The following NEGR1 variants were observed in gnomAD, a reference collection of about 807,000 sequenced individuals.
NEGR1 encodes IgLON family member 4.
A neutral mutation model predicts 40.9 loss-of-function variants in NEGR1; 10 were observed. That is an observed-to-expected ratio of 0.24 (90% confidence interval 0.15 to 0.42). The LOEUF (loss-of-function observed/expected upper bound fraction) is 0.42. Ranked by LOEUF, NEGR1 falls within the 10% of genes least tolerant of loss-of-function variation. The pLI is 1.00. For missense variants in NEGR1, 352 were observed against 438.9 expected (o/e 0.80, Z 1.77); for synonymous variants, 185 against 166.8 (o/e 1.11, Z -0.84).
intron 3 of NEGR1, among the ~76,000 whole-genome samples, chr1:71,759,648 C>G (rs967714870): frequency 1.7e-5 from 2 of 121,212 alleles, no homozygotes; most frequent in African/African-American, 6.4e-5. Context: ...CCCACTCTGT[C>G]GCCCAGGCTG....
intron 2 of NEGR1, among the ~76,000 whole-genome samples, chr1:71,830,924 G>A (rs530831153): frequency 1.3e-5 from 2 of 151,762 alleles, no homozygotes; most frequent in South Asian, 4.2e-4. Context: ...CTGCTTTTAA[G>A]ATCACACCAT....
intron 6 of NEGR1, among the ~76,000 whole-genome samples, chr1:71,466,643 G>A (rs1557536113): frequency 6.6e-6 from 1 of 152,060 alleles, no homozygotes; most frequent in Non-Finnish European, 1.5e-5. Context: ...GTGGTATTTG[G>A]ATAAAGAATG....
At chr1:71,704,960 A>G (rs138886086) in intron 3 of NEGR1, among the ~76,000 whole-genome samples, 1,986 of 149,696 alleles carry the variant, frequency 0.013, 18 homozygotes, top group Non-Finnish European at 0.02. Context: ...TTGTGTTACC[A>G]AAAAAAAAAT....
intron 6 of NEGR1, among the ~76,000 whole-genome samples, chr1:71,410,615 C>T (rs1053053184): frequency 1.3e-4 from 20 of 152,114 alleles, no homozygotes; most frequent in Non-Finnish European, 2.5e-4. Context: ...CAATGATATA[C>T]ATACTTTAGT....
intron 1 of NEGR1, among the ~76,000 whole-genome samples, chr1:72,188,227 C>T (rs571411350): frequency 1.3e-4 from 20 of 151,372 alleles, no homozygotes; most frequent in African/African-American, 4.6e-4. Flanking sequence ...GAAAGATGAA[C>T]CTTTCAAAAG....
At chr1:72,204,809 T>C (rs945800315) in intron 1 of NEGR1, among the ~76,000 whole-genome samples, 1 of 152,160 alleles carries the variant, frequency 6.6e-6, no homozygotes, top group Non-Finnish European at 1.5e-5. Flanking sequence ...ATAAAATGTT[T>C]TGTAATTAAA....
intron 2 of NEGR1, among the ~76,000 whole-genome samples, chr1:71,908,045 T>C (rs1274521072): frequency 6.6e-6 from 1 of 152,012 alleles, no homozygotes; most frequent in Non-Finnish European, 1.5e-5. Context: ...AAACTAACTG[T>C]TGGGAACTAT....
chr1:72,053,959 C>T (rs1304154335), intron 1 of NEGR1, among the ~76,000 whole-genome samples: 3 of 150,504 alleles, frequency 2.0e-5, no homozygotes, highest in African/African-American at 7.3e-5. Context: ...AGAATGAAGC[C>T]GTCTCTTGTG....
At chr1:71,992,860 A>G (rs2100362240) in intron 1 of NEGR1, among the ~76,000 whole-genome samples, 1 of 152,352 alleles carries the variant, frequency 6.6e-6, no homozygotes, top group South Asian at 2.1e-4. Context: ...ACCAAAAACA[A>G]TGACCAAAGT....
At chr1:72,066,326 TAC>T (rs1349487990) in intron 1 of NEGR1, among the ~76,000 whole-genome samples, 1 of 152,154 alleles carries the variant, frequency 6.6e-6, no homozygotes, top group African/African-American at 2.4e-5. Context: ...CACTTCAACT[TAC>T]ACATTTTCTG....
At chr1:71,918,445 G>A (rs951322771) in intron 2 of NEGR1, among the ~76,000 whole-genome samples, 1 of 151,832 alleles carries the variant, frequency 6.6e-6, no homozygotes, top group Non-Finnish European at 1.5e-5. Flanking sequence ...AGAGATGGAT[G>A]AGCCTTCAAT....
chr1:71,765,056 G>A (rs1656074293), intron 3 of NEGR1, among the ~76,000 whole-genome samples: 4 of 151,950 alleles, frequency 2.6e-5, no homozygotes, highest in South Asian at 4.2e-4. Flanking sequence ...ACCGGTGGTC[G>A]GCTGCCAGTC....
intron 2 of NEGR1, among the ~76,000 whole-genome samples, chr1:71,927,818 TAAAAAAAAAAAAA>T (rs35429988): frequency 8.9e-4 from 20 of 22,448 alleles, no homozygotes; most frequent in Admixed American, 2.3e-3. Context: ...ACCCAATCTC[TAAAAAAAAAAAAA>T]AAAAAAAAAA....
intron 6 of NEGR1, among the ~76,000 whole-genome samples, chr1:71,417,808 G>T (rs974573253): frequency 6.6e-6 from 1 of 152,102 alleles, no homozygotes; most frequent in Non-Finnish European, 1.5e-5. Context: ...TAAAAAATGT[G>T]TTAGTGTTTA....
At chr1:72,013,272 T>G (rs1646676092) in intron 1 of NEGR1, among the ~76,000 whole-genome samples, 1 of 152,110 alleles carries the variant, frequency 6.6e-6, no homozygotes, top group Non-Finnish European at 1.5e-5. Context: ...CTCACTCTTC[T>G]GTTCTGTGAT....
At chr1:72,258,432 G>A (rs529725167) in intron 1 of NEGR1, among the ~76,000 whole-genome samples, 13 of 152,078 alleles carry the variant, frequency 8.5e-5, no homozygotes, top group Non-Finnish European at 1.8e-4. Context: ...TTTCATTAAG[G>A]TTATTGAGAA....
At chr1:71,999,632 AATATAT>A (rs528857972) in intron 1 of NEGR1, among the ~76,000 whole-genome samples, 756 of 48,284 alleles carry the variant, frequency 0.016, 26 homozygotes, top group African/African-American at 0.057. Flanking sequence ...GAGCAAAGCA[AATATAT>A]ATATATATAT....
At chr1:72,024,241 ATAAT>A (rs1646787288) in intron 1 of NEGR1, among the ~76,000 whole-genome samples, 1 of 152,044 alleles carries the variant, frequency 6.6e-6, no homozygotes, top group Admixed American at 6.6e-5. Context: ...TTTCCACCAA[ATAAT>A]TTATTTATTT....
chr1:71,625,548 A>G (rs1325664844), intron 4 of NEGR1, among the ~76,000 whole-genome samples: 1 of 151,886 alleles, frequency 6.6e-6, no homozygotes, highest in Non-Finnish European at 1.5e-5. Context: ...GCCATTTTAT[A>G]TATAAGGGAC....
Sources: gnomAD v4.1 joint callset for allele counts (sites outside exome capture counted in the v4.1 genomes callset) on GRCh38, gnomAD v4.1.1 for gene constraint, MANE v1.5 for transcripts, NCBI Gene and HGNC (gene_info 2026-07-23, HGNC 2026-07-21) for gene names.